Variants in CCDC66 observed in about 807,000 individuals in gnomAD.
The protein encoded by CCDC66 is coiled-coil domain-containing protein 66.
Under a neutral mutation model 128.3 loss-of-function variants are expected in CCDC66, and 133 were observed. The ratio of observed to expected loss-of-function variants is 1.04; its 90% CI spans 0.90 to 1.20. The LOEUF (loss-of-function observed/expected upper bound fraction) is 1.20. Ranked by LOEUF, CCDC66 falls within the 50% of genes most tolerant of loss-of-function variation. The probability of loss-of-function intolerance (pLI) is 0.00; values close to 1 mark genes in which losing one functional copy is unlikely to be tolerated. For missense variants in CCDC66, 1,126 were observed against 1,075.5 expected (o/e 1.05, Z -0.66); for synonymous variants, 387 against 357.0 (o/e 1.08, Z -0.95).
At chr3:56,600,388 C>G (rs1309069146) in intron 10 of CCDC66, among the ~76,000 whole-genome samples, 1 of 151,874 alleles carries the variant, frequency 6.6e-6, no homozygotes, top group East Asian at 1.9e-4. Flanking sequence ...ACCCCATGAT[C>G]GGGCTACCTT....
chr3:56,615,465 C>A, intron 12 of CCDC66, 193 bp downstream of exon 12: 1 of 545,670 alleles, frequency 1.8e-6, no homozygotes, highest in Non-Finnish European at 3.1e-6. Flanking sequence ...GCTGGTCTTG[C>A]TGCCTTCAGA....
chr3:56,596,412 G>A (rs1315750096), intron 10 of CCDC66, among the ~76,000 whole-genome samples: 3 of 151,990 alleles, frequency 2.0e-5, no homozygotes, highest in Non-Finnish European at 2.9e-5. Flanking sequence ...GATTTTTGGT[G>A]TGTGTGTGTG....
At chr3:56,576,619 A>G (rs62255974) in intron 7 of CCDC66, among the ~76,000 whole-genome samples, 7,299 of 135,178 alleles carry the variant, frequency 0.054, 225 homozygotes, top group East Asian at 0.11. Flanking sequence ...AAGTGTTCTC[A>G]TTGTTTAGTT....
In CCDC66 at chr3:56,615,983, T is replaced by C. The variant is rs766603211; in HGVS notation, c.1773T>C (p.Asp591=). 1.3e-5 allele frequency: 20 copies of C among 1,599,122 alleles called. No individual in the cohort carries two copies. Among genetic ancestry groups the C allele is most frequent in the Non-Finnish European group, 1.7e-5 (20 of 1,171,820 alleles). The change falls in exon 13 of 18, where the codon GAT becomes GAC. Residue 591 remains aspartate, a synonymous_variant. Transcript: ENST00000394672. ...SNISNSRHDS[D]EISGKMNTYM... is the part of the protein sequence containing the mutation. Reference sequence around the variant, plus strand: ...TTTCAAATTCAAGACATGATTCTGATGAAATCAGTGGTAAAATGAATACAT... The same window carrying C: ...TTTCAAATTCAAGACATGATTCTGACGAAATCAGTGGTAAAATGAATACAT...
chr3:56,582,280 G>C lies in CCDC66; in HGVS notation c.937-10690G>C, dbSNP rs2106696472. On this transcript the variant is annotated intron_variant, in intron 7 of 17. Coordinates refer to ENST00000394672, the MANE Select transcript of CCDC66 (RefSeq NM_001141947.3). ...CATTGGAAAAGCGCAGTATTAGGGTGGGAGTGTCCCGATTTTCCAGGTACC... is the reference window on the plus strand; with the variant it reads ...CATTGGAAAAGCGCAGTATTAGGGTCGGAGTGTCCCGATTTTCCAGGTACC... Among the ~76,000 whole-genome samples the C allele has an allele frequency of 1.3e-5, 2 of 151,988 alleles. 1 individual carries two copies. The highest frequency in any genetic ancestry group is 4.0e-4 in the East Asian group (2 of 5,054).
In CCDC66 at chr3:56,558,867, T is replaced by C. The variant is rs1420492550; in HGVS notation, c.33T>C (p.Thr11=). The change falls in exon 2 of 18, where the codon ACT becomes ACC. Residue 11 remains threonine (T), a synonymous_variant. Transcript: ENST00000394672. MNLGDGLKLE[T]ELLDGKTKLI... ...ACAGAGATGGTTTAAAGCTTGAAAC[T>C]GAATTACTGGATGGAAAAACCAAGC... The C allele has an allele frequency of 1.9e-6, 3 of 1,549,504 alleles. No individual in the cohort carries two copies. The African/African-American group carries it at 4.1e-5, about 21-fold the overall frequency.
At chr3:56,598,929 C>T (rs1458241172) in intron 10 of CCDC66, among the ~76,000 whole-genome samples, 2 of 151,916 alleles carry the variant, frequency 1.3e-5, no homozygotes, top group Non-Finnish European at 2.9e-5. Flanking sequence ...GTAATGCTGG[C>T]CTCACAGAAT....
At chr3:56,575,353 A>G (rs1229054822) in intron 7 of CCDC66, among the ~76,000 whole-genome samples, 1 of 151,736 alleles carries the variant, frequency 6.6e-6, no homozygotes, top group Non-Finnish European at 1.5e-5. Context: ...GATGTGGAAC[A>G]TTTTCCCACA....
At chr3:56,609,853 C>G (rs1268817564) in intron 10 of CCDC66, among the ~76,000 whole-genome samples, 1 of 152,152 alleles carries the variant, frequency 6.6e-6, no homozygotes, top group Non-Finnish European at 1.5e-5. Context: ...TTGCCAAATA[C>G]AAAATTTGGC....
chr3:56,573,081 A>G (rs1172264104), intron 7 of CCDC66, among the ~76,000 whole-genome samples: 2 of 152,336 alleles, frequency 1.3e-5, no homozygotes, highest in Non-Finnish European at 2.9e-5. Flanking sequence ...CTGTAATACT[A>G]AAAATGTTAA....
chr3:56,621,708 A>C lies in CCDC66; in HGVS notation c.*90A>C. The C allele has an allele frequency of 1.2e-6, 1 of 824,656 alleles. No homozygotes were observed. The highest frequency in any genetic ancestry group is 1.9e-6 in the Non-Finnish European group (1 of 529,556). The allele number at this position is 824,656 out of a possible 1,614,324, so 51.1% of individuals were successfully genotyped here. ...CTCAACTGTATTTTTCAAATAGCCT[A>C]GATTTACTTATTTTTTTAAATGCTC... is the stretch of plus-strand genomic sequence containing the variant. On this transcript the variant is annotated 3_prime_UTR_variant, in exon 18 of 18. Coordinates refer to ENST00000394672, the MANE Select transcript of CCDC66 (RefSeq NM_001141947.3).
chr3:56,583,809 T>G (rs1333275874), intron 7 of CCDC66, among the ~76,000 whole-genome samples: 1 of 151,916 alleles, frequency 6.6e-6, no homozygotes. Context: ...AATGAGCTGT[T>G]GGGTACACCT....
intron 6 of CCDC66, among the ~76,000 whole-genome samples, chr3:56,567,731 T>C (rs4974219): frequency 0.97 from 147,151 of 151,988 alleles, 71,426 homozygotes; most frequent in East Asian, 1. Context: ...CTCGCTGTGT[T>C]GCCCAGGCTG....
chr3:56,618,132 G>A (rs1381935065), intron 14 of CCDC66, 40 bp from the exon 15 acceptor site: 1 of 1,474,566 alleles, frequency 6.8e-7, no homozygotes, highest in South Asian at 1.1e-5. Context: ...ATGTGAAGAT[G>A]CTATATATTC....
At position 56,602,700 on chromosome 3, in the gene CCDC66, C is replaced by T. The variant is rs372815537; in HGVS notation, c.1404+8672C>T. 5.1e-4 allele frequency among the ~76,000 whole-genome samples: 78 copies of T among 151,864 alleles called. 1 individual carries two copies. The South Asian group carries it at 6.6e-3, about 13-fold the overall frequency. Reference sequence around the variant, plus strand: ...GGATTCGTCTTCTTCTTGGTTTAGACTTGGGAGGGTGTATGTGTCCAGGAA... The same window carrying T: ...GGATTCGTCTTCTTCTTGGTTTAGATTTGGGAGGGTGTATGTGTCCAGGAA... On this transcript the variant is annotated intron_variant, in intron 10 of 17. Coordinates refer to ENST00000394672, the MANE Select transcript of CCDC66 (RefSeq NM_001141947.3).
At position 56,573,300 on chromosome 3, in the gene CCDC66, G is replaced by A. The variant is rs1469456311; in HGVS notation, c.936+1998G>A. On this transcript the variant is annotated intron_variant, in intron 7 of 17. Coordinates refer to ENST00000394672, the MANE Select transcript of CCDC66 (RefSeq NM_001141947.3). The stretch of plus-strand genomic sequence containing the variant: ...TATTTGTCAGTTGATGAAATGACGA[G>A]GCTCATGAATTTGGAAAGGAGAACT... Among the ~76,000 whole-genome samples the A allele has an allele frequency of 3.3e-5, 5 of 152,198 alleles. No homozygotes were observed. The East Asian group carries it at 9.7e-4, about 29-fold the overall frequency.
chr3:56,595,874 TC>T (rs1303605773), intron 10 of CCDC66, among the ~76,000 whole-genome samples: 1 of 152,228 alleles, frequency 6.6e-6, no homozygotes, highest in Non-Finnish European at 1.5e-5. Context: ...TTTCTCCGCT[TC>T]CTTGGCAGTA....
intron 6 of CCDC66, chr3:56,570,630 C>T (rs2066499730): frequency 1.2e-5 from 2 of 168,702 alleles, no homozygotes; most frequent in African/African-American, 2.4e-5. Flanking sequence ...TGCCTGTAGC[C>T]CCAGCTACTC....
At chr3:56,563,614 A>G (rs1002880103) in intron 3 of CCDC66, 70 bp from the exon 4 acceptor site, 46 of 1,247,554 alleles carry the variant, frequency 3.7e-5, no homozygotes, top group Non-Finnish European at 2.6e-5. Context: ...GATTTATCAC[A>G]GATCATATAA....
Sources: gnomAD v4.1 joint callset for allele counts (sites outside exome capture counted in the v4.1 genomes callset) on GRCh38, gnomAD v4.1.1 for gene constraint, MANE v1.5 for transcripts, NCBI Gene and HGNC (gene_info 2026-07-23, HGNC 2026-07-21) for gene names.